Variants in LHFPL2 observed in about 807,000 individuals in gnomAD.
The protein encoded by LHFPL2 is LHFPL tetraspan subfamily member 2.
In LHFPL2, 7 loss-of-function variants were observed where a neutral mutation model predicts 17.5. The ratio of observed to expected loss-of-function variants is 0.40; its 90% CI spans 0.23 to 0.75. The LOEUF (loss-of-function observed/expected upper bound fraction) is 0.75, where lower values mean the gene tolerates loss of function less well. Among genes scored for constraint, LHFPL2 ranks in the 30% least tolerant of loss-of-function variants. The probability of loss-of-function intolerance (pLI) is 0.37; values close to 1 mark genes in which losing one functional copy is unlikely to be tolerated. For missense variants in LHFPL2, 241 were observed against 294.8 expected (o/e 0.82, Z 1.34); for synonymous variants, 134 against 116.2 (o/e 1.15, Z -0.99).
At chr5:78,623,384 T>C (rs867802442) in intron 2 of LHFPL2, among the ~76,000 whole-genome samples, 2 of 152,242 alleles carry the variant, frequency 1.3e-5, no homozygotes, top group Middle Eastern at 3.2e-3. Flanking sequence ...TTTAATTTTG[T>C]AAACATGAAC....
At chr5:78,643,587 T>A (rs1411313967) in intron 1 of LHFPL2, among the ~76,000 whole-genome samples, 1 of 152,186 alleles carries the variant, frequency 6.6e-6, no homozygotes, top group Admixed American at 6.5e-5. Context: ...TTTTTGAAAT[T>A]ACAGAAGTGT....
chr5:78,489,295 A>C (rs1433959278), intron 4 of LHFPL2, 142 bp from the exon 5 acceptor site: 1 of 836,130 alleles, frequency 1.2e-6, no homozygotes, highest in African/African-American at 1.7e-5. Context: ...GTTTCATGCA[A>C]ACTAATCTGA....
intron 2 of LHFPL2, among the ~76,000 whole-genome samples, chr5:78,574,913 G>A (rs1757090726): frequency 1.3e-5 from 2 of 152,240 alleles, no homozygotes; most frequent in Non-Finnish European, 2.9e-5. Context: ...CAGTCTCTCT[G>A]TGTGACTCAG....
chr5:78,615,674 A>G (rs1465913460), intron 2 of LHFPL2, among the ~76,000 whole-genome samples: 1 of 152,190 alleles, frequency 6.6e-6, no homozygotes, highest in African/African-American at 2.4e-5. Context: ...AAGAACTCAG[A>G]TTGTCCCAAA....
At chr5:78,496,005 A>G (rs1376740427) in intron 4 of LHFPL2, among the ~76,000 whole-genome samples, 1 of 152,076 alleles carries the variant, frequency 6.6e-6, no homozygotes, top group Non-Finnish European at 1.5e-5. Flanking sequence ...CCTCATTCCA[A>G]TGCAAATGTT....
At chr5:78,636,319 T>C (rs1387987767) in intron 1 of LHFPL2, among the ~76,000 whole-genome samples, 1 of 152,228 alleles carries the variant, frequency 6.6e-6, no homozygotes, top group East Asian at 1.9e-4. Context: ...AGGGAAACAC[T>C]TCACCCAATT....
At chr5:78,535,988 G>T (rs185306539) in intron 3 of LHFPL2, among the ~76,000 whole-genome samples, 1 of 152,192 alleles carries the variant, frequency 6.6e-6, no homozygotes, top group Non-Finnish European at 1.5e-5. Flanking sequence ...GTCACATGGC[G>T]TGTGGGACAC....
At chr5:78,598,976 C>T (rs1306170393) in intron 2 of LHFPL2, among the ~76,000 whole-genome samples, 1 of 152,112 alleles carries the variant, frequency 6.6e-6, no homozygotes, top group African/African-American at 2.4e-5. Flanking sequence ...AAAATTTGAA[C>T]ATACGGTAAT....
chr5:78,491,947 G>T (rs1051372468), intron 4 of LHFPL2, among the ~76,000 whole-genome samples: 2 of 152,228 alleles, frequency 1.3e-5, no homozygotes, highest in African/African-American at 4.8e-5. Context: ...CATCTGAACA[G>T]AGGTTTGTTC....
At chr5:78,579,137 G>A (rs1342575102) in intron 2 of LHFPL2, among the ~76,000 whole-genome samples, 1 of 152,124 alleles carries the variant, frequency 6.6e-6, no homozygotes, top group African/African-American at 2.4e-5. Flanking sequence ...TTGTCCTTAA[G>A]CAAAGCAAAA....
chr5:78,543,003 A>G (rs1005440774), intron 3 of LHFPL2, among the ~76,000 whole-genome samples: 1 of 152,206 alleles, frequency 6.6e-6, no homozygotes, highest in Non-Finnish European at 1.5e-5. Context: ...TCGAGCTGCA[A>G]GCAAAGACAG....
chr5:78,637,013 C>T (rs1745473264), intron 1 of LHFPL2, among the ~76,000 whole-genome samples: 1 of 152,054 alleles, frequency 6.6e-6, no homozygotes, highest in Non-Finnish European at 1.5e-5. Flanking sequence ...CAAGCTCAGA[C>T]AGACAGGTTT....
At chr5:78,533,516 C>T (rs1489733809) in intron 3 of LHFPL2, among the ~76,000 whole-genome samples, 1 of 152,200 alleles carries the variant, frequency 6.6e-6, no homozygotes, top group Non-Finnish European at 1.5e-5. Context: ...AGTATAAGCA[C>T]AGCTCTTCTA....
intron 3 of LHFPL2, among the ~76,000 whole-genome samples, chr5:78,558,747 C>T (rs185059083): frequency 3.9e-4 from 60 of 152,308 alleles, no homozygotes; most frequent in Non-Finnish European, 6.6e-4. Context: ...CAGAATCTAC[C>T]GGAACATGGG....
intron 4 of LHFPL2, among the ~76,000 whole-genome samples, chr5:78,495,349 G>C (rs560130582): frequency 6.6e-6 from 1 of 152,172 alleles, no homozygotes; most frequent in Non-Finnish European, 1.5e-5. Flanking sequence ...CAATGGATGG[G>C]ACTCAAGGTT....
At chr5:78,534,739 G>A (rs540519798) in intron 3 of LHFPL2, among the ~76,000 whole-genome samples, 1 of 152,288 alleles carries the variant, frequency 6.6e-6, no homozygotes, top group East Asian at 1.9e-4. Flanking sequence ...GCAGTGTTTT[G>A]TCAGGAGGCC....
intron 2 of LHFPL2, among the ~76,000 whole-genome samples, chr5:78,593,677 T>C (rs1197141883): frequency 1.3e-5 from 2 of 152,108 alleles, no homozygotes; most frequent in Admixed American, 1.3e-4. Context: ...GATACACTCT[T>C]TGGGAGAAGA....
At chr5:78,545,535 T>C (rs1380709224) in intron 3 of LHFPL2, among the ~76,000 whole-genome samples, 2 of 152,236 alleles carry the variant, frequency 1.3e-5, no homozygotes, top group Non-Finnish European at 2.9e-5. Context: ...TAAGTTCATG[T>C]TTCTCCCTGA....
intron 3 of LHFPL2, among the ~76,000 whole-genome samples, chr5:78,532,473 T>C (rs552679679): frequency 6.6e-6 from 1 of 152,244 alleles, no homozygotes; most frequent in Admixed American, 6.5e-5. Context: ...GTGCTATTGA[T>C]GATGAAGCAG....
Sources: gnomAD v4.1 joint callset for allele counts (sites outside exome capture counted in the v4.1 genomes callset) on GRCh38, gnomAD v4.1.1 for gene constraint, MANE v1.5 for transcripts, NCBI Gene and HGNC (gene_info 2026-07-23, HGNC 2026-07-21) for gene names.